Variants in LOXL4 observed in about 807,000 individuals in gnomAD.
The protein encoded by LOXL4 is lysyl oxidase like 4, also known as lysyl oxidase homolog 4.
In LOXL4, 72 loss-of-function variants were observed where a neutral mutation model predicts 89.1. The ratio of observed to expected loss-of-function variants is 0.81; its 90% CI spans 0.67 to 0.98. LOXL4 has a LOEUF of 0.98. Ranked by LOEUF, LOXL4 falls within the 50% of genes least tolerant of loss-of-function variation. The pLI is 0.00. For synonymous variants in LOXL4, 355 were observed against 392.1 expected (o/e 0.91, Z 1.12); for missense variants, 984 against 1,017.5 (o/e 0.97, Z 0.45).
intron 12 of LOXL4, 171 bp downstream of exon 12, chr10:98,252,182 T>A: frequency 1.0e-5 from 6 of 598,568 alleles, no homozygotes; most frequent in South Asian, 2.0e-5. Flanking sequence ...AGTAAAAACC[T>A]CCTGCGTAAG....
intron 1 of LOXL4, among the ~76,000 whole-genome samples, chr10:98,265,280 A>G (rs1275190223): frequency 6.6e-6 from 1 of 152,106 alleles, no homozygotes; most frequent in Admixed American, 6.6e-5. Context: ...TAAAGTGGGG[A>G]TAATAATAGT....
chr10:98,264,376 T>C (rs978780276), intron 1 of LOXL4, among the ~76,000 whole-genome samples: 1 of 145,190 alleles, frequency 6.9e-6, no homozygotes, highest in African/African-American at 2.6e-5. Context: ...AGAGGTGAGT[T>C]TGTGCAAGAG....
intron 9 of LOXL4, 75 bp downstream of exon 9, chr10:98,256,705 C>G (rs1858376097): frequency 1.3e-6 from 2 of 1,572,146 alleles, no homozygotes; most frequent in Non-Finnish European, 1.7e-6. Context: ...GAGGCAGCAG[C>G]TTTAGCACAG....
At chr10:98,263,329 C>T (rs554359059) in intron 1 of LOXL4, among the ~76,000 whole-genome samples, 35 of 152,286 alleles carry the variant, frequency 2.3e-4, no homozygotes, top group African/African-American at 8.2e-4. Flanking sequence ...ATAGTAATCT[C>T]CATCTCACGG....
rs1016026250 is a variant in LOXL4 at position 98,251,611 on chromosome 10, C to G, written c.2043G>C (p.Gln681His). The G allele has an allele frequency of 2.5e-6, 4 of 1,614,266 alleles. No individual in the cohort carries two copies. Among genetic ancestry groups the G allele is most frequent in the Admixed American group, 1.7e-5 (1 of 60,034 alleles). Residue 681 changes from glutamine (Q) to histidine (H), a missense_variant, in exon 13 of 15, where the codon CAG becomes CAC. Gln to His is a conservative substitution (Grantham distance 24, BLOSUM62 0). Coordinates refer to ENST00000260702, the MANE Select transcript of LOXL4 (RefSeq NM_032211.7). ...WDTYRHDIDC[Q>H]WVDITDVGPG... Reference sequence around the variant, plus strand: ...GGCCCACATCTGTGATATCCACCCACTGGCAATCAATGTCATGCCGGTAGG... The same window carrying G: ...GGCCCACATCTGTGATATCCACCCAGTGGCAATCAATGTCATGCCGGTAGG...
intron 1 of LOXL4, among the ~76,000 whole-genome samples, chr10:98,267,856 G>A (rs1858718008): frequency 6.6e-6 from 1 of 152,126 alleles, no homozygotes; most frequent in Admixed American, 6.5e-5. Context: ...TACACACGGC[G>A]TGTACACAAA....
intron 10 of LOXL4, among the ~76,000 whole-genome samples, chr10:98,254,480 T>C (rs1244680242): frequency 2.0e-5 from 3 of 152,086 alleles, no homozygotes; most frequent in Non-Finnish European, 4.4e-5. Flanking sequence ...GTGGTATATA[T>C]TGGAGAGAGC....
chr10:98,253,863 CAG>C, intron 10 of LOXL4, 67 bp from the exon 11 acceptor site: 1 of 1,597,788 alleles, frequency 6.3e-7, no homozygotes, highest in Non-Finnish European at 8.5e-7. Context: ...GTCTCCAGCA[CAG>C]AGGGCAAGCT....
At position 98,258,151 on chromosome 10, in the gene LOXL4, C is replaced by T. The variant is rs750133368; in HGVS notation, c.935G>A (p.Arg312His). ...KGSWAEEPRV[R>H]LRSGAQVGEG... ...GCCCACCTGGGCCCCGGAGCGCAGG[C>T]GCACCCTCGGCTCCTGCTGGGAGAA... The change falls in exon 7 of 15, where the codon CGC becomes CAC. Residue 312 changes from arginine to histidine, a missense_variant. Physicochemically the swap from Arg to His is conservative, Grantham distance 29 (BLOSUM62 0). Coordinates refer to ENST00000260702, the MANE Select transcript of LOXL4 (RefSeq NM_032211.7). 121 of 1,611,720 alleles carry T rather than the reference C, an allele frequency of 7.5e-5. No homozygotes were observed. In the East Asian group the frequency reaches 2.2e-3, roughly 30 times the overall value.
At chr10:98,256,089 TCGTC>T in intron 9 of LOXL4, 1 of 154,784 alleles carries the variant, frequency 6.5e-6, no homozygotes, top group Non-Finnish European at 1.3e-5. Context: ...GCGGCCCAGA[TCGTC>T]AGTTGTGCTC....
chr10:98,260,487 G>T (rs530542411), intron 4 of LOXL4, among the ~76,000 whole-genome samples: 2 of 151,154 alleles, frequency 1.3e-5, no homozygotes, highest in Admixed American at 1.3e-4. Flanking sequence ...GGGTGGGGGG[G>T]CGTTCTGTAC....
Position 98,264,464 on chromosome 10 carries a change from C to A in LOXL4, c.-32-1413G>T, listed in dbSNP as rs1047135016. Among the ~76,000 whole-genome samples the A allele has an allele frequency of 9.9e-5, 15 of 151,522 alleles. No homozygotes were observed. In the East Asian group the frequency reaches 2.9e-3, roughly 30 times the overall value. ...AAAGAGATGGAGGGACGAGCTGGGGCCAATGATCAAGGGCCATGTGTACTA... is the reference window on the plus strand; with the variant it reads ...AAAGAGATGGAGGGACGAGCTGGGGACAATGATCAAGGGCCATGTGTACTA... On this transcript the variant is annotated intron_variant, in intron 1 of 14. Transcript: ENST00000260702.
intron 14 of LOXL4, among the ~76,000 whole-genome samples, chr10:98,250,221 T>C (rs1858148153): frequency 1.3e-5 from 2 of 152,216 alleles, no homozygotes; most frequent in South Asian, 4.1e-4. Flanking sequence ...GGCTCCTCCT[T>C]CAAACCTCAG....
intron 10 of LOXL4, among the ~76,000 whole-genome samples, chr10:98,255,350 G>A (rs569189336): frequency 2.0e-5 from 3 of 152,318 alleles, no homozygotes; most frequent in East Asian, 3.9e-4. Flanking sequence ...CCGTGTCCTT[G>A]TGCTTCCTCA....
Position 98,257,707 on chromosome 10 carries a change from T to G in LOXL4, c.1203A>C (p.Gln401His). Residue 401 changes from glutamine (Q) to histidine (H), a missense_variant, in exon 8 of 15, where the codon CAA (glutamine) becomes CAC (histidine). Gln to His is a conservative substitution (Grantham distance 24, BLOSUM62 0). Transcript: ENST00000260702. The part of the protein sequence containing the change: ...PALEGSQNGC[Q>H]HENDAAVRCN... The stretch of plus-strand genomic sequence containing the variant: ...ACCTGACAGCAGCATCATTCTCATG[T>G]TGGCAACCATTCTGGGACCCTTCCA... 6.2e-7 allele frequency: 1 copy of G among 1,614,108 alleles called. No individual in the cohort carries two copies. The highest frequency in any genetic ancestry group is 8.5e-7 in the Non-Finnish European group (1 of 1,179,986).
chr10:98,258,244 C>T (rs771603492), intron 6 of LOXL4, 80 bp from the exon 7 acceptor site: 131 of 1,402,294 alleles, frequency 9.3e-5, no homozygotes, highest in Non-Finnish European at 1.1e-4. Context: ...GGATCCCCAA[C>T]GGGGCTCCTT....
chr10:98,255,693 A>T lies in LOXL4; in HGVS notation c.1475T>A (p.Met492Lys). 1.9e-6 allele frequency: 3 copies of T among 1,613,416 alleles called. No homozygotes were observed. The highest frequency in any genetic ancestry group is 2.5e-6 in the Non-Finnish European group (3 of 1,179,416). ...TGTGCCTGAGCAGCGCACCCCACTC[A>T]TCACCACCTCCTGGGCCCTTGGCGT... ...SGTPRAQEVV[M>K]SGVRCSGTEL... The change falls in exon 10 of 15, where the codon ATG becomes AAG. Residue 492 changes from methionine to lysine, a missense_variant. Met to Lys is a moderately conservative substitution (Grantham distance 95, BLOSUM62 -1). Transcript: ENST00000260702.
intron 1 of LOXL4, among the ~76,000 whole-genome samples, chr10:98,266,335 C>T (rs1245511465): frequency 6.6e-6 from 1 of 152,146 alleles, no homozygotes; most frequent in African/African-American, 2.4e-5. Context: ...GCTGAAAAAC[C>T]TGTAAAATGA....
At chr10:98,258,227 C>A in intron 6 of LOXL4, 63 bp from the exon 7 acceptor site, 1 of 1,496,882 alleles carries the variant, frequency 6.7e-7, no homozygotes, top group Non-Finnish European at 9.0e-7. Flanking sequence ...GCTGAGCCCC[C>A]ACAGCGGGAT....
Sources: allele counts gnomAD v4.1 joint callset (sites outside exome capture counted in the v4.1 genomes callset), GRCh38; gene constraint gnomAD v4.1.1; transcripts MANE v1.5; gene names NCBI Gene and HGNC (gene_info 2026-07-23, HGNC 2026-07-21).